The following RXFP1 variants were observed in gnomAD, a reference collection of about 807,000 sequenced individuals.
RXFP1 encodes relaxin family peptide receptor 1.
RXFP1 carries 73 observed loss-of-function variants against 89.8 expected under a neutral mutation model. The ratio of observed to expected loss-of-function variants is 0.81; its 90% CI spans 0.67 to 0.99. The LOEUF (loss-of-function observed/expected upper bound fraction) is 0.99. RXFP1 is among the 50% of genes least tolerant of loss of function. The pLI is 0.00. For missense variants in RXFP1, 793 were observed against 895.5 expected, an observed-to-expected ratio of 0.89 and a Z score of 1.46; for synonymous variants, 277 against 305.5, an observed-to-expected ratio of 0.91 and a Z score of 0.97.
chr4:158,564,305 T>C (rs1753112370), intron 1 of RXFP1, among the ~76,000 whole-genome samples: 1 of 152,184 alleles, frequency 6.6e-6, no homozygotes, highest in African/African-American at 2.4e-5. Context: ...CATTTTTAAA[T>C]TGTTATATAC....
chr4:158,545,148 T>C (rs1248510981), intron 1 of RXFP1, among the ~76,000 whole-genome samples: 6 of 151,660 alleles, frequency 4.0e-5, no homozygotes, highest in Non-Finnish European at 8.8e-5. Flanking sequence ...TTCTAACTGG[T>C]GTGAGATGGT....
At chr4:158,531,009 G>A (rs1007828183) in intron 1 of RXFP1, among the ~76,000 whole-genome samples, 24 of 152,104 alleles carry the variant, frequency 1.6e-4, no homozygotes, top group African/African-American at 5.5e-4. Context: ...AAAGCTCCAC[G>A]CCCTCTTCTG....
intron 1 of RXFP1, among the ~76,000 whole-genome samples, chr4:158,525,744 T>C (rs1001795746): frequency 2.6e-5 from 4 of 152,224 alleles, no homozygotes; most frequent in Non-Finnish European, 5.9e-5. Context: ...CTTATTTTAT[T>C]CCTATAATAA....
intron 1 of RXFP1, chr4:158,543,987 C>T: frequency 1.0e-6 from 1 of 985,420 alleles, no homozygotes; most frequent in Non-Finnish European, 1.2e-6. Flanking sequence ...ATGTTTCGTC[C>T]ATTTTGCCCC....
intron 1 of RXFP1, among the ~76,000 whole-genome samples, chr4:158,569,021 T>A (rs1754460852): frequency 6.6e-6 from 1 of 152,102 alleles, no homozygotes; most frequent in Non-Finnish European, 1.5e-5. Context: ...GTACTGGGAG[T>A]CTACAGATAT....
chr4:158,609,554 C>T (rs115911365), intron 6 of RXFP1, among the ~76,000 whole-genome samples: 3,157 of 152,302 alleles, frequency 0.021, 59 homozygotes, highest in Non-Finnish European at 0.032. Flanking sequence ...TCCACCTATA[C>T]TGTTCTGTAT....
chr4:158,560,841 C>T (rs982636287), intron 1 of RXFP1, among the ~76,000 whole-genome samples: 1 of 152,222 alleles, frequency 6.6e-6, no homozygotes, highest in Non-Finnish European at 1.5e-5. Context: ...CTGCCCACGT[C>T]TCACTGGTCG....
At chr4:158,528,196 A>G (rs1226537020) in intron 1 of RXFP1, among the ~76,000 whole-genome samples, 3 of 152,244 alleles carry the variant, frequency 2.0e-5, no homozygotes, top group African/African-American at 7.2e-5. Context: ...AATGAAAGGG[A>G]CTTTAAAAAT....
At chr4:158,588,353 C>A (rs918526197) in intron 2 of RXFP1, among the ~76,000 whole-genome samples, 12 of 152,130 alleles carry the variant, frequency 7.9e-5, no homozygotes, top group African/African-American at 2.2e-4. Context: ...ATGGAAAAAA[C>A]CGGAAACTAC....
intron 14 of RXFP1, among the ~76,000 whole-genome samples, chr4:158,643,282 G>A (rs1304402696): frequency 6.6e-6 from 1 of 151,880 alleles, no homozygotes; most frequent in African/African-American, 2.4e-5. Context: ...GAAATTATTT[G>A]GGGCTGCTTT....
intron 1 of RXFP1, among the ~76,000 whole-genome samples, chr4:158,572,320 C>T (rs1022626944): frequency 1.3e-5 from 2 of 152,190 alleles, no homozygotes; most frequent in Non-Finnish European, 2.9e-5. Context: ...ACCAGACCAG[C>T]CTTGATTCTG....
At chr4:158,543,670 C>T in intron 1 of RXFP1, 3 of 693,408 alleles carry the variant, frequency 4.3e-6, no homozygotes, top group South Asian at 6.5e-5. Flanking sequence ...TTCTCTATTC[C>T]ATTTCATATT....
intron 2 of RXFP1, among the ~76,000 whole-genome samples, chr4:158,583,843 G>A (rs1399452394): frequency 6.6e-6 from 1 of 152,164 alleles, no homozygotes; most frequent in Admixed American, 6.5e-5. Flanking sequence ...GGATGCCCAG[G>A]ATAATGTCAC....
intron 8 of RXFP1, among the ~76,000 whole-genome samples, chr4:158,615,051 T>G (rs377671349): frequency 2.0e-5 from 3 of 152,274 alleles, no homozygotes; most frequent in East Asian, 3.9e-4. Flanking sequence ...AGATTTAACA[T>G]AATTCTTGAG....
At chr4:158,644,884 AT>A in intron 14 of RXFP1, 24 bp from the exon 15 acceptor site, 1 of 1,500,084 alleles carries the variant, frequency 6.7e-7, no homozygotes, top group Non-Finnish European at 9.2e-7. Flanking sequence ...GGAAAATCTT[AT>A]TTTACTTTCT....
chr4:158,643,997 G>A (rs1047430156), intron 14 of RXFP1, among the ~76,000 whole-genome samples: 1 of 150,502 alleles, frequency 6.6e-6, no homozygotes, highest in Non-Finnish European at 1.5e-5. Context: ...TCATTAGTGA[G>A]GTTGAACATT....
chr4:158,569,315 A>G (rs2149984606), intron 1 of RXFP1, among the ~76,000 whole-genome samples: 1 of 152,364 alleles, frequency 6.6e-6, no homozygotes, highest in East Asian at 1.9e-4. Context: ...CTTTTAGGGC[A>G]GTGAAACTAC....
chr4:158,650,789 T>C (rs964769992), intron 17 of RXFP1, among the ~76,000 whole-genome samples: 1 of 152,000 alleles, frequency 6.6e-6, no homozygotes. Context: ...AACAATTGTA[T>C]ATATTAATAC....
intron 11 of RXFP1, among the ~76,000 whole-genome samples, chr4:158,629,554 G>T (rs1767614446): frequency 6.6e-6 from 1 of 152,080 alleles, no homozygotes. Flanking sequence ...AATAGATGTA[G>T]AACAATGGAT....
Sources: allele counts gnomAD v4.1 joint callset (sites outside exome capture counted in the v4.1 genomes callset), GRCh38; gene constraint gnomAD v4.1.1; transcripts MANE v1.5; gene names NCBI Gene and HGNC (gene_info 2026-07-23, HGNC 2026-07-21).